BCAS3: variants seen among roughly 807,000 people sequenced by gnomAD.
BCAS3 encodes BCAS3 microtubule associated cell migration factor.
Under a neutral mutation model 116.1 loss-of-function variants are expected in BCAS3, and 53 were observed. The observed-to-expected ratio is 0.46, with a 90% confidence interval of 0.37 to 0.57. The LOEUF (loss-of-function observed/expected upper bound fraction) is 0.57. Ranked by LOEUF, BCAS3 falls within the 20% of genes least tolerant of loss-of-function variation. The pLI is 0.00. For synonymous variants in BCAS3, 391 were observed against 408.2 expected, an observed-to-expected ratio of 0.96 and a Z score of 0.51; for missense variants, 917 against 1,165.4, an observed-to-expected ratio of 0.79 and a Z score of 3.10.
chr17:61,341,986 G>A (rs1284944985), intron 22 of BCAS3, among the ~76,000 whole-genome samples: 1 of 152,208 alleles, frequency 6.6e-6, no homozygotes, highest in African/African-American at 2.4e-5. Flanking sequence ...GGGCAATCAT[G>A]AACTTCGGAC....
At position 61,363,923 on chromosome 17, in the gene BCAS3, C is replaced by A. The variant is rs899328510; in HGVS notation, c.2426-4404C>A. Among the ~76,000 whole-genome samples the A allele has an allele frequency of 1.3e-5, 2 of 152,198 alleles. No individual in the cohort carries two copies. Among genetic ancestry groups the A allele is most frequent in the Non-Finnish European group, 2.9e-5 (2 of 68,046 alleles). On this transcript the variant is annotated intron_variant, in intron 22 of 23. Transcript: ENST00000407086. This position sits in a 1 kb window ranked among gnomAD's most constrained non-coding sequence, Gnocchi z 4.9. ...CCAAGAGCCCAGAGATGACCTCACC[C>A]TCCAAGGGCTTGGCCTCTTCACCCC...
intron 12 of BCAS3, among the ~76,000 whole-genome samples, chr17:60,919,780 C>T (rs1350960621): frequency 1.3e-5 from 2 of 151,924 alleles, no homozygotes; most frequent in Non-Finnish European, 2.9e-5. Context: ...AATCAATGAG[C>T]TGTATTTTAC....
At chr17:61,287,302 C>T (rs1602427875) in intron 22 of BCAS3, among the ~76,000 whole-genome samples, 1 of 151,438 alleles carries the variant, frequency 6.6e-6, no homozygotes, top group African/African-American at 2.4e-5. Context: ...TAAATGAGAA[C>T]CAAATGTGGT....
rs947070741 is a variant in BCAS3, at chr17:61,368,989, A to C, written c.2593+495A>C. ...ATTCTTGCCTCTGAGCGAGTCCAGC[A>C]ACTAGGGTCTGGGTGGCTTCCTGCA... On this transcript the variant is annotated intron_variant, in intron 23 of 23. Coordinates refer to ENST00000407086, the MANE Select transcript of BCAS3 (RefSeq NM_017679.5). This position sits in a 1 kb window ranked among gnomAD's most constrained non-coding sequence, Gnocchi z 6.0. Among the ~76,000 whole-genome samples, 6 of 152,236 alleles carry C rather than the reference A, an allele frequency of 3.9e-5. No individual in the cohort carries two copies. The highest frequency in any genetic ancestry group is 1.4e-4 in the African/African-American group (6 of 41,542).
In BCAS3 at chr17:61,073,879, C is replaced by G. The variant is rs1417522507; in HGVS notation, c.2030-1041C>G. ...AATCCCAGCACTCTGAGAGCCAAAG[C>G]CAGAGGATCACTTGAGGCCAGGAGT... On this transcript the variant is annotated intron_variant, in intron 19 of 23. Transcript: ENST00000407086. This position sits in a 1 kb window ranked among gnomAD's most constrained non-coding sequence, Gnocchi z 4.6. Among the ~76,000 whole-genome samples the G allele has an allele frequency of 6.6e-6, 1 of 151,966 alleles. No individual in the cohort carries two copies. The highest frequency in any genetic ancestry group is 2.4e-5 in the African/African-American group (1 of 41,356).
intron 14 of BCAS3, chr17:60,987,014 C>T (rs986825842): frequency 9.2e-5 from 14 of 151,926 alleles, no homozygotes; most frequent in South Asian, 4.2e-4. Flanking sequence ...ATGTGTATGG[C>T]GAGAGATAGG....
intron 22 of BCAS3, among the ~76,000 whole-genome samples, chr17:61,142,037 A>G (rs527850673): frequency 2.5e-4 from 38 of 152,022 alleles, no homozygotes; most frequent in African/African-American, 8.4e-4. Flanking sequence ...TTTTCCCCAG[A>G]TATATACACC....
intron 4 of BCAS3, among the ~76,000 whole-genome samples, chr17:60,706,777 AAAC>A (rs1294200003): frequency 6.6e-6 from 1 of 151,560 alleles, no homozygotes; most frequent in Non-Finnish European, 1.5e-5. Context: ...AAACAAAACA[AAAC>A]AACCCCAAAA....
chr17:61,057,348 C>T (rs1052960356), intron 19 of BCAS3, among the ~76,000 whole-genome samples: 8 of 152,126 alleles, frequency 5.3e-5, no homozygotes, highest in Admixed American at 6.5e-5. Flanking sequence ...CATTGATTTC[C>T]CAGATAACCT....
intron 13 of BCAS3, among the ~76,000 whole-genome samples, chr17:60,933,221 A>G (rs910701280): frequency 1.3e-5 from 2 of 152,214 alleles, no homozygotes; most frequent in African/African-American, 4.8e-5. Context: ...AATAAGAACA[A>G]TAGATTAGTA....
At chr17:60,918,895 A>G (rs2058922891) in intron 12 of BCAS3, among the ~76,000 whole-genome samples, 2 of 151,934 alleles carry the variant, frequency 1.3e-5, no homozygotes, top group Non-Finnish European at 1.5e-5. Flanking sequence ...GAGTTTCACC[A>G]TGTTAGCCAG....
chr17:60,976,506 A>G (rs958135717), intron 14 of BCAS3, among the ~76,000 whole-genome samples: 45 of 151,984 alleles, frequency 3.0e-4, no homozygotes, highest in African/African-American at 1.1e-3. Flanking sequence ...TGGCAGGGTC[A>G]TAGGACAATA....
chr17:60,811,019 A>G (rs9913434), intron 7 of BCAS3: 91,050 of 658,244 alleles, frequency 0.14, 13,120 homozygotes, highest in African/African-American at 0.58. Context: ...GTCACCATGC[A>G]GTCTGCCGAG....
Position 61,095,864 on chromosome 17 carries a change from C to T in BCAS3, c.2425+11300C>T, listed in dbSNP as rs551777645. Among the ~76,000 whole-genome samples, 3 of 152,192 alleles carry T rather than the reference C, an allele frequency of 2.0e-5. No homozygotes were observed. The highest frequency in any genetic ancestry group is 2.1e-4 in the South Asian group (1 of 4,828). ...TCTCGTACACACACACACACACACA[C>T]ACACACACATTAAATTACTAGTTTG... On this transcript the variant is annotated intron_variant, in intron 22 of 23. Coordinates refer to ENST00000407086, the MANE Select transcript of BCAS3 (RefSeq NM_017679.5). The surrounding 1 kb of genome is among the most constrained non-coding windows in gnomAD (Gnocchi z 4.7).
intron 6 of BCAS3, among the ~76,000 whole-genome samples, chr17:60,806,472 G>T (rs927595520): frequency 3.3e-5 from 5 of 151,926 alleles, no homozygotes; most frequent in Admixed American, 3.3e-4. Flanking sequence ...GGAGTGGTTT[G>T]TCCTGAGCTC....
At chr17:61,194,367 C>A (rs780588958) in intron 22 of BCAS3, among the ~76,000 whole-genome samples, 23 of 152,224 alleles carry the variant, frequency 1.5e-4, no homozygotes, top group Non-Finnish European at 2.9e-4. Context: ...GTTAATTCCC[C>A]CAGCAAGTGA....
At chr17:61,055,851 G>A (rs2069325592) in intron 19 of BCAS3, among the ~76,000 whole-genome samples, 1 of 152,072 alleles carries the variant, frequency 6.6e-6, no homozygotes, top group Admixed American at 6.5e-5. Context: ...TTCTAGAAAT[G>A]ATTTGCCTTC....
At chr17:61,375,716 G>C (rs796631448) in intron 23 of BCAS3, among the ~76,000 whole-genome samples, 1 of 152,002 alleles carries the variant, frequency 6.6e-6, no homozygotes, top group Non-Finnish European at 1.5e-5. Context: ...TGGATTACAG[G>C]CATGCGCCAC....
At chr17:61,358,943 C>G (rs1000581831) in intron 22 of BCAS3, among the ~76,000 whole-genome samples, 1 of 152,120 alleles carries the variant, frequency 6.6e-6, no homozygotes, top group South Asian at 2.1e-4. Context: ...CTAAAAAGTT[C>G]TATCCCCACC....
Sources: gnomAD v4.1 joint callset for allele counts (sites outside exome capture counted in the v4.1 genomes callset) on GRCh38, gnomAD v4.1.1 for gene constraint, Gnocchi (gnomAD v3.1) non-coding constraint, MANE v1.5 for transcripts, NCBI Gene and HGNC (gene_info 2026-07-23, HGNC 2026-07-21) for gene names.